The following MTUS2 variants were observed in gnomAD, a reference collection of about 807,000 sequenced individuals.
MTUS2 encodes the protein microtubule-associated tumor suppressor candidate 2.
In MTUS2, 40 loss-of-function variants were observed where a neutral mutation model predicts 114.1. The observed-to-expected ratio is 0.35, with a 90% CI of 0.27 to 0.46. MTUS2 has a LOEUF of 0.46. Ranked by LOEUF, MTUS2 falls within the 20% of genes least tolerant of loss-of-function variation. MTUS2 has a pLI of 1.00. For synonymous variants in MTUS2, 688 were observed against 672.0 expected, an observed-to-expected ratio of 1.02 and a Z score of -0.37; for missense variants, 1,679 against 1,705.4, an observed-to-expected ratio of 0.98 and a Z score of 0.27.
intron 3 of MTUS2, among the ~76,000 whole-genome samples, chr13:29,030,962 G>C (rs886093822): frequency 6.6e-6 from 1 of 152,080 alleles, no homozygotes; most frequent in Non-Finnish European, 1.5e-5. Flanking sequence ...GTCATGTCCA[G>C]GTATTAAATA....
At chr13:29,195,557 AAAAAG>A (rs1208066486) in intron 5 of MTUS2, among the ~76,000 whole-genome samples, 14 of 150,392 alleles carry the variant, frequency 9.3e-5, no homozygotes, top group African/African-American at 3.2e-4. Context: ...AAAAAAAAAA[AAAAAG>A]AGCTACAGTA....
chr13:29,270,058 G>A (rs1371848390), intron 5 of MTUS2, among the ~76,000 whole-genome samples: 1 of 152,118 alleles, frequency 6.6e-6, no homozygotes, highest in Non-Finnish European at 1.5e-5. Context: ...TACAGGAAGG[G>A]GAGGTGGGGG....
chr13:29,311,345 T>A (rs1290717334), intron 6 of MTUS2, among the ~76,000 whole-genome samples: 4 of 152,214 alleles, frequency 2.6e-5, no homozygotes, highest in Non-Finnish European at 5.9e-5. Context: ...AACAATTGCA[T>A]GGATGTTTGT....
intron 9 of MTUS2, among the ~76,000 whole-genome samples, chr13:29,449,594 CA>C (rs1566206931): frequency 6.6e-6 from 1 of 151,604 alleles, no homozygotes; most frequent in Non-Finnish European, 1.5e-5. Flanking sequence ...TGGTGTGGGA[CA>C]AAAGTCTTAA....
At chr13:29,391,020 A>G (rs749522578) in intron 8 of MTUS2, among the ~76,000 whole-genome samples, 40 of 151,836 alleles carry the variant, frequency 2.6e-4, no homozygotes, top group Non-Finnish European at 4.7e-4. Context: ...TGACCTGCAC[A>G]CCTGCCTTGG....
rs189006908 is a variant in MTUS2 at position 29,377,238 on chromosome 13, A to G, written c.3117+17765A>G. Among the ~76,000 whole-genome samples, 671 of 152,334 alleles carry G rather than the reference A, an allele frequency of 4.4e-3. 5 individuals are homozygous for G. Among genetic ancestry groups the G allele is most frequent in the African/African-American group, 0.016 (656 of 41,574 alleles). On this transcript the variant is annotated intron_variant, in intron 8 of 15. Coordinates refer to ENST00000612955, the MANE Select transcript of MTUS2 (RefSeq NM_001033602.4). ...ACCAAGGATATGGAAGAACTGAGTA[A>G]TACCAACAGGATCATCTTGATGTTT...
intron 5 of MTUS2, among the ~76,000 whole-genome samples, chr13:29,182,596 A>G (rs940022734): frequency 6.6e-6 from 1 of 152,222 alleles, no homozygotes; most frequent in South Asian, 2.1e-4. Flanking sequence ...GATTCTTAGG[A>G]TACATCAGAG....
intron 8 of MTUS2, among the ~76,000 whole-genome samples, chr13:29,408,711 T>C (rs948041669): frequency 7.2e-5 from 11 of 152,248 alleles, no homozygotes; most frequent in African/African-American, 2.6e-4. Flanking sequence ...ACCATTGTCC[T>C]AGCCTCATTT....
At chr13:29,160,035 TC>T (rs1324731818) in intron 5 of MTUS2, among the ~76,000 whole-genome samples, 1 of 152,168 alleles carries the variant, frequency 6.6e-6, no homozygotes, top group Admixed American at 6.5e-5. Flanking sequence ...ACACAAAAAA[TC>T]CTATACACCA....
chr13:29,457,038 G>A (rs902219737), intron 9 of MTUS2, among the ~76,000 whole-genome samples: 3 of 151,588 alleles, frequency 2.0e-5, no homozygotes, highest in African/African-American at 4.9e-5. Context: ...CCAGCTACTC[G>A]GGAGGCTGAG....
At chr13:29,420,333 A>G (rs911447106) in intron 8 of MTUS2, among the ~76,000 whole-genome samples, 3 of 142,054 alleles carry the variant, frequency 2.1e-5, no homozygotes, top group Admixed American at 1.5e-4. Context: ...GCCGGAGTGC[A>G]GTGGTGCGAT....
chr13:29,175,183 A>G (rs1893719125), intron 5 of MTUS2, among the ~76,000 whole-genome samples: 1 of 152,222 alleles, frequency 6.6e-6, no homozygotes, highest in African/African-American at 2.4e-5. Flanking sequence ...CTGAAATCCA[A>G]TATTATTTGT....
At chr13:28,924,749 C>G (rs1411289909) in intron 2 of MTUS2, among the ~76,000 whole-genome samples, 1 of 152,054 alleles carries the variant, frequency 6.6e-6, no homozygotes, top group African/African-American at 2.4e-5. Flanking sequence ...TGCCCAAGAC[C>G]CTCAGTCAAG....
At chr13:28,969,046 T>C (rs536019288) in intron 2 of MTUS2, among the ~76,000 whole-genome samples, 1 of 152,364 alleles carries the variant, frequency 6.6e-6, no homozygotes, top group Admixed American at 6.5e-5. Flanking sequence ...ATAATTTTGT[T>C]AATTTTTTAT....
intron 4 of MTUS2, among the ~76,000 whole-genome samples, chr13:29,050,100 T>G (rs1180665695): frequency 1.3e-5 from 2 of 152,132 alleles, no homozygotes; most frequent in African/African-American, 4.8e-5. Context: ...CACCTCCCTA[T>G]TCCCCTTTCT....
At chr13:29,162,172 C>T (rs1482098709) in intron 5 of MTUS2, among the ~76,000 whole-genome samples, 1 of 152,070 alleles carries the variant, frequency 6.6e-6, no homozygotes, top group Non-Finnish European at 1.5e-5. Context: ...GTCATATTGG[C>T]TTTAGGGCCC....
intron 8 of MTUS2, among the ~76,000 whole-genome samples, chr13:29,408,972 A>G (rs989292810): frequency 6.6e-6 from 1 of 152,202 alleles, no homozygotes; most frequent in Non-Finnish European, 1.5e-5. Context: ...ATTACACACA[A>G]TATACTTACT....
intron 2 of MTUS2, among the ~76,000 whole-genome samples, chr13:28,905,643 G>A (rs1335147095): frequency 6.6e-6 from 1 of 151,498 alleles, no homozygotes; most frequent in African/African-American, 2.4e-5. Context: ...ATGTGCTGCT[G>A]GATTCAGTTT....
chr13:28,951,812 A>G (rs1006253953), intron 2 of MTUS2, among the ~76,000 whole-genome samples: 3 of 152,134 alleles, frequency 2.0e-5, no homozygotes, highest in African/African-American at 7.2e-5. Context: ...GAAAAAAAAA[A>G]AATTTAAAGT....
Sources: allele counts gnomAD v4.1 joint callset (sites outside exome capture counted in the v4.1 genomes callset), GRCh38; gene constraint gnomAD v4.1.1; transcripts MANE v1.5; gene names NCBI Gene and HGNC (gene_info 2026-07-23, HGNC 2026-07-21).